AMMECR1L: variants seen among roughly 807,000 people sequenced by gnomAD.
AMMECR1L encodes AMMECR1-like protein.
Under a neutral mutation model 36.8 loss-of-function variants are expected in AMMECR1L, and 4 were observed. The observed-to-expected ratio is 0.11, with a 90% CI of 0.05 to 0.25. The LOEUF is 0.25. Ranked by LOEUF, AMMECR1L falls within the 10% of genes least tolerant of loss-of-function variation. The pLI, the probability that AMMECR1L is intolerant of heterozygous loss-of-function variation, is 1.00. For missense variants in AMMECR1L, 232 were observed against 392.1 expected, an observed-to-expected ratio of 0.59 and a Z score of 3.45; for synonymous variants, 147 against 148.0, an observed-to-expected ratio of 0.99 and a Z score of 0.05.
In AMMECR1L at chr2:127,862,444, C is replaced by G. The variant is rs1401709110; in HGVS notation, c.*2650G>C. The G allele has an allele frequency of 6.5e-6, 1 of 153,770 alleles. No individual in the cohort carries two copies. The highest frequency in any genetic ancestry group is 2.4e-5 in the African/African-American group (1 of 41,468). The allele number at this position is 153,770 out of a possible 1,614,324, so 9.5% of individuals were successfully genotyped here. ...GTTCCAGTTCGGAGCTATCCTCTCC[C>G]TATGCAAAGCTGCCACATGGATGAT... On this transcript the variant is annotated 3_prime_UTR_variant, in exon 8 of 8. Transcript: ENST00000272647.
intron 6 of AMMECR1L, among the ~76,000 whole-genome samples, chr2:127,868,729 GTT>G (rs776262220): frequency 6.9e-6 from 1 of 144,744 alleles, no homozygotes. Flanking sequence ...AGGCTACTGA[GTT>G]TTTTTTTTTT....
intron 7 of AMMECR1L, among the ~76,000 whole-genome samples, chr2:127,866,659 A>G (rs1484448226): frequency 6.6e-6 from 1 of 152,142 alleles, no homozygotes; most frequent in Non-Finnish European, 1.5e-5. Flanking sequence ...AAAGCCATCC[A>G]CAGCCTGCAG....
intron 6 of AMMECR1L, among the ~76,000 whole-genome samples, chr2:127,868,246 G>A (rs188559289): frequency 7.9e-5 from 12 of 152,196 alleles, no homozygotes; most frequent in African/African-American, 2.6e-4. Context: ...TAGGTGCTCC[G>A]AAGTTTTTAT....
intron 6 of AMMECR1L, chr2:127,867,389 G>T: frequency 1.2e-6 from 1 of 804,874 alleles, no homozygotes; most frequent in Non-Finnish European, 1.5e-6. Context: ...ATATTCCTTT[G>T]TGTGATCTTC....
intron 3 of AMMECR1L, chr2:127,872,978 T>C (rs1057368912): frequency 1.3e-5 from 13 of 983,756 alleles, no homozygotes; most frequent in Middle Eastern, 5.3e-4. Flanking sequence ...CGTGTGTGAT[T>C]TGCCAACCTG....
chr2:127,868,462 C>A (rs564921626), intron 6 of AMMECR1L, among the ~76,000 whole-genome samples: 1 of 152,160 alleles, frequency 6.6e-6, no homozygotes, highest in Admixed American at 6.5e-5. Flanking sequence ...TAAAAACCAA[C>A]CAGGCAATCG....
chr2:127,875,862 T>G (rs72965753), intron 2 of AMMECR1L, among the ~76,000 whole-genome samples: 1 of 152,070 alleles, frequency 6.6e-6, no homozygotes, highest in Non-Finnish European at 1.5e-5. Context: ...GGCACAATCA[T>G]AGCTTACCAC....
At chr2:127,866,752 C>T (rs1258699587) in intron 7 of AMMECR1L, 148 bp downstream of exon 7, 2 of 767,572 alleles carry the variant, frequency 2.6e-6, no homozygotes, top group Non-Finnish European at 4.3e-6. Context: ...GCCTTTGCTG[C>T]CACTGCTTCC....
Position 127,861,898 on chromosome 2 carries a change from G to C in AMMECR1L, c.*3196C>G, listed in dbSNP as rs1333495548. On this transcript the variant is annotated 3_prime_UTR_variant, in exon 8 of 8. Transcript: ENST00000272647. ...AGATGTCAACACATCATGGAAAACA[G>C]ATCTTGTGCAAAATATTAACACCCA... The C allele has an allele frequency of 6.6e-6, 1 of 152,572 alleles. No homozygotes were observed. Among genetic ancestry groups the C allele is most frequent in the African/African-American group, 2.4e-5 (1 of 41,444 alleles). 9.5% of individuals were successfully genotyped at this position (152,572 alleles called of 1,614,324 possible). A position where few individuals can be genotyped will look rare whatever the true frequency, so the allele number is the denominator to read the frequency against.
Position 127,865,776 on chromosome 2 carries a change from C to T in AMMECR1L, c.822-571G>A, listed in dbSNP as rs748214121. On this transcript the variant is annotated intron_variant, in intron 7 of 7. Coordinates refer to ENST00000272647, the MANE Select transcript of AMMECR1L (RefSeq NM_001199140.2). This position sits in a 1 kb window ranked among gnomAD's most constrained non-coding sequence, Gnocchi z 5.4. The stretch of plus-strand genomic sequence containing the variant: ...AGATGAATATGCCATATCACAGGGT[C>T]GTCAGAACAGAATTCATAGCACTTT... Among the ~76,000 whole-genome samples the T allele has an allele frequency of 7.9e-5, 12 of 152,184 alleles. No individual in the cohort carries two copies. The highest frequency in any genetic ancestry group is 2.7e-4 in the African/African-American group (11 of 41,434).
rs775409654 is a variant in AMMECR1L, at chr2:127,864,327, C to CTCCATTCCAT, written c.*757_*766dup. 1 of 152,702 alleles carries CTCCATTCCAT rather than the reference C, an allele frequency of 6.5e-6. No individual in the cohort carries two copies. Among genetic ancestry groups the CTCCATTCCAT allele is most frequent in the Admixed American group, 6.5e-5 (1 of 15,280 alleles). 9.5% of individuals were successfully genotyped at this position (152,702 alleles called of 1,614,324 possible). ...TGACATCAGGACCTCCTGTGGGCAT[C>CTCCATTCCAT]TCCATTCCATTCCATTCCTCAGCAG... On this transcript the variant is annotated 3_prime_UTR_variant, in exon 8 of 8. Transcript: ENST00000272647.
At chr2:127,868,109 C>T (rs1439545553) in intron 6 of AMMECR1L, among the ~76,000 whole-genome samples, 1 of 152,104 alleles carries the variant, frequency 6.6e-6, no homozygotes, top group Non-Finnish European at 1.5e-5. Flanking sequence ...CTCCAGTATC[C>T]ACCTACCTTG....
intron 2 of AMMECR1L, among the ~76,000 whole-genome samples, chr2:127,883,135 T>C (rs1167087099): frequency 1.3e-5 from 2 of 151,020 alleles, no homozygotes; most frequent in Admixed American, 1.3e-4. Context: ...TCTCGCTCTG[T>C]CGTCAGGCTG....
intron 3 of AMMECR1L, among the ~76,000 whole-genome samples, chr2:127,872,575 C>G (rs909173325): frequency 5.9e-5 from 9 of 152,300 alleles, no homozygotes; most frequent in South Asian, 4.1e-4. Context: ...ATCACTGTCA[C>G]AAAGGTCCCC....
Position 127,874,405 on chromosome 2 carries a change from A to T in AMMECR1L, c.-38-133T>A. The T allele has an allele frequency of 1.2e-6, 1 of 822,648 alleles. No individual in the cohort carries two copies. The highest frequency in any genetic ancestry group is 1.8e-6 in the Non-Finnish European group (1 of 541,290). The allele number at this position is 822,648 out of a possible 1,614,324, so 51.0% of individuals were successfully genotyped here. On this transcript the variant is annotated intron_variant, in intron 2 of 7. Coordinates refer to ENST00000272647, the MANE Select transcript of AMMECR1L (RefSeq NM_001199140.2). This position sits in a 1 kb window ranked among gnomAD's most constrained non-coding sequence, Gnocchi z 5.2. ...CTTTCTCCCACTCAACCTCCAGGTC[A>T]CAGACCAGGAGAAGAAACCCCTAAC...
At chr2:127,881,762 A>G (rs534475814) in intron 2 of AMMECR1L, among the ~76,000 whole-genome samples, 2 of 152,366 alleles carry the variant, frequency 1.3e-5, no homozygotes. Context: ...CAATTTCTAG[A>G]GGAATAATGC....
chr2:127,873,777 G>A lies in AMMECR1L; in HGVS notation c.407+51C>T. On this transcript the variant is annotated intron_variant, in intron 3 of 7. Transcript: ENST00000272647. This position sits in a 1 kb window ranked among gnomAD's most constrained non-coding sequence, Gnocchi z 5.2. The stretch of plus-strand genomic sequence containing the variant: ...AGACCCTCTCAAGAGAATCACCCCA[G>A]AAAGATGTCACCATGCCTTCCTCAG... 6.2e-7 allele frequency: 1 copy of A among 1,611,458 alleles called. No individual in the cohort carries two copies.
rs765742343 is a variant in AMMECR1L at position 127,873,812 on chromosome 2, C to A, written c.407+16G>T. ...ACCATGCCTTCCTCAGTGCCCCCAG[C>A]ACATGATTTACTCACTAGGGGTCAT... On this transcript the variant is annotated intron_variant, in intron 3 of 7. Coordinates refer to ENST00000272647, the MANE Select transcript of AMMECR1L (RefSeq NM_001199140.2). The surrounding 1 kb of genome is among the most constrained non-coding windows in gnomAD (Gnocchi z 5.2). 3.7e-6 allele frequency: 6 copies of A among 1,613,608 alleles called. No homozygotes were observed. The South Asian group carries it at 6.6e-5, about 18-fold the overall frequency.
intron 2 of AMMECR1L, among the ~76,000 whole-genome samples, chr2:127,880,949 A>G (rs1691473884): frequency 6.6e-6 from 1 of 152,220 alleles, no homozygotes; most frequent in African/African-American, 2.4e-5. Flanking sequence ...ACCAAGGGAT[A>G]GTTTAATAAT....
Sources: gnomAD v4.1 joint callset for allele counts (sites outside exome capture counted in the v4.1 genomes callset) on GRCh38, gnomAD v4.1.1 for gene constraint, Gnocchi (gnomAD v3.1) non-coding constraint, MANE v1.5 for transcripts, NCBI Gene and HGNC (gene_info 2026-07-23, HGNC 2026-07-21) for gene names.